Variants in REPS2 observed in about 807,000 individuals in gnomAD.
REPS2 encodes RALBP1 associated Eps domain containing 2.
REPS2 carries 23 observed loss-of-function variants against 53.6 expected under a neutral mutation model. That is an observed-to-expected ratio of 0.43 (90% CI 0.31 to 0.61). The LOEUF is 0.61. Among genes scored for constraint, REPS2 ranks in the 20% least tolerant of loss-of-function variants. REPS2 has a pLI of 0.11. For missense variants in REPS2, 446 were observed against 534.9 expected (o/e 0.83, Z 1.64); for synonymous variants, 238 against 218.6 (o/e 1.09, Z -0.78).
Position 17,113,685 on chromosome X carries a change from A to G in REPS2, c.1578+9906A>G, listed in dbSNP as rs1603053848. Among the ~76,000 whole-genome samples, 3 of 111,421 alleles carry G rather than the reference A, an allele frequency of 2.7e-5. No homozygotes were observed. The South Asian group carries it at 1.1e-3, about 42-fold the overall frequency. On this transcript the variant is annotated intron_variant, in intron 14 of 17. Transcript: ENST00000357277. ...GCACTGAATGACAAATTCAAAAGGCAAAGGAAATGGCCATAGTGATAAGTG... is the reference window on the plus strand; with the variant it reads ...GCACTGAATGACAAATTCAAAAGGCGAAGGAAATGGCCATAGTGATAAGTG...
chrX:17,077,147 C>A, intron 12 of REPS2, 124 bp from the exon 13 acceptor site: 1 of 713,243 alleles, frequency 1.4e-6, no homozygotes, highest in Non-Finnish European at 2.0e-6. Context: ...GAATTTATGG[C>A]TGCTTTGGTA....
At chrX:17,125,962 G>C (rs1291172366) in intron 14 of REPS2, among the ~76,000 whole-genome samples, 3 of 112,290 alleles carry the variant, frequency 2.7e-5, no homozygotes, top group Non-Finnish European at 3.8e-5. Context: ...AGTGTGACGA[G>C]TACCTGGACT....
At chrX:17,144,742 A>G (rs1211936349) in intron 17 of REPS2, among the ~76,000 whole-genome samples, 1 of 112,045 alleles carries the variant, frequency 8.9e-6, no homozygotes, top group Non-Finnish European at 1.9e-5. Flanking sequence ...TCTTTCTCCT[A>G]GCCTTTCCTA....
chrX:17,127,543 G>A (rs1287657989), intron 14 of REPS2, among the ~76,000 whole-genome samples: 1 of 111,810 alleles, frequency 8.9e-6, no homozygotes, highest in African/African-American at 3.3e-5. Flanking sequence ...GCATAGAGAA[G>A]GGCATGGAAA....
At chrX:17,041,068 C>T (rs999206378) in intron 5 of REPS2, among the ~76,000 whole-genome samples, 2 of 111,632 alleles carry the variant, frequency 1.8e-5, no homozygotes, top group East Asian at 5.6e-4. Flanking sequence ...TTTGGCAGGC[C>T]GCTGTCCTCA....
chrX:17,144,423 T>C (rs1393916260), intron 17 of REPS2, among the ~76,000 whole-genome samples: 1 of 112,817 alleles, frequency 8.9e-6, no homozygotes, highest in East Asian at 2.8e-4. Flanking sequence ...TACTCCCACT[T>C]TAATAGGTAT....
chrX:17,043,509 C>G (rs758432229), intron 5 of REPS2, among the ~76,000 whole-genome samples: 1 of 108,775 alleles, frequency 9.2e-6, no homozygotes, highest in South Asian at 4.3e-4. Flanking sequence ...TTCTTGCCCC[C>G]CCCCCCGGCT....
At chrX:17,137,107 C>T (rs1194473520) in intron 16 of REPS2, 2 of 111,959 alleles carry the variant, frequency 1.8e-5, no homozygotes, top group Non-Finnish European at 3.8e-5. Context: ...TGTTTGTGTA[C>T]ATGTTTTTGT....
chrX:16,991,432 A>G (rs1026661393), intron 1 of REPS2, among the ~76,000 whole-genome samples: 1 of 111,978 alleles, frequency 8.9e-6, no homozygotes, highest in Non-Finnish European at 1.9e-5. Flanking sequence ...ATTAAGCCAC[A>G]AGATAAGTGG....
chrX:16,993,060 T>C (rs780352705), intron 1 of REPS2, among the ~76,000 whole-genome samples: 1 of 112,156 alleles, frequency 8.9e-6, no homozygotes, highest in African/African-American at 3.2e-5. Context: ...TCCTGCAGGA[T>C]AAGAGATCCA....
intron 1 of REPS2, among the ~76,000 whole-genome samples, chrX:16,953,208 T>C (rs2060544763): frequency 8.9e-6 from 1 of 111,847 alleles, no homozygotes. Flanking sequence ...ATTCTTTTTT[T>C]CTAAAAGAGA....
At chrX:16,964,341 T>C (rs1290323641) in intron 1 of REPS2, among the ~76,000 whole-genome samples, 4 of 109,490 alleles carry the variant, frequency 3.7e-5, no homozygotes, top group African/African-American at 1.3e-4. Flanking sequence ...AGCACCGGGT[T>C]GGGGGTAAGG....
intron 14 of REPS2, among the ~76,000 whole-genome samples, chrX:17,109,201 G>T (rs377026298): frequency 9.0e-6 from 1 of 110,808 alleles, no homozygotes; most frequent in African/African-American, 3.3e-5. Context: ...AGAAACTGAC[G>T]GGAGGACAGG....
At chrX:17,034,939 T>C (rs191231806) in intron 5 of REPS2, among the ~76,000 whole-genome samples, 1 of 111,000 alleles carries the variant, frequency 9.0e-6, no homozygotes, top group Non-Finnish European at 1.9e-5. Flanking sequence ...AGTGCATAAC[T>C]TGAAAAATGT....
chrX:17,151,959 T>C lies in REPS2; in HGVS notation c.*4478T>C, dbSNP rs1312500894. On this transcript the variant is annotated 3_prime_UTR_variant, in exon 18 of 18. Coordinates refer to ENST00000357277, the MANE Select transcript of REPS2 (RefSeq NM_004726.3). The stretch of plus-strand genomic sequence containing the variant: ...GTGTTTTTGGAGTCCTCAGCTCACA[T>C]GTCTTGTTCCTCCTTCAGCACAAGC... 9.1e-6 allele frequency: 1 copy of C among 110,258 alleles called. No individual in the cohort carries two copies. The highest frequency in any genetic ancestry group is 1.9e-5 in the Non-Finnish European group (1 of 52,771). The allele number at this position is 110,258 out of a possible 1,213,427, so 9.1% of individuals were successfully genotyped here.
chrX:17,108,393 C>T (rs765408726), intron 14 of REPS2, among the ~76,000 whole-genome samples: 1 of 109,600 alleles, frequency 9.1e-6, no homozygotes, highest in South Asian at 4.0e-4. Flanking sequence ...AGGCTGGTCT[C>T]GAACTCCTGA....
intron 12 of REPS2, 81 bp from the exon 13 acceptor site, chrX:17,077,190 G>A (rs772807644): frequency 9.3e-5 from 94 of 1,014,043 alleles, no homozygotes; most frequent in Non-Finnish European, 1.2e-4. Context: ...CTTTGACTTC[G>A]TGGGTATTTT....
rs1383392133 is a variant in REPS2, at chrX:17,029,508, T to A, written c.674-18T>A. ...GAATCTTTGCATACCATACTGACTT[T>A]CCTTTCTGCTGTTTCAGCACCTTAT... On this transcript the variant is annotated intron_variant, in intron 4 of 17. Coordinates refer to ENST00000357277, the MANE Select transcript of REPS2 (RefSeq NM_004726.3). The A allele has an allele frequency of 8.8e-7, 1 of 1,134,652 alleles. No individual in the cohort carries two copies. The highest frequency in any genetic ancestry group is 1.2e-6 in the Non-Finnish European group (1 of 827,330). The allele number at this position is 1,134,652 out of a possible 1,213,427, so 93.5% of individuals were successfully genotyped here.
At chrX:17,093,261 C>T (rs1385717157) in intron 13 of REPS2, among the ~76,000 whole-genome samples, 1 of 94,724 alleles carries the variant, frequency 1.1e-5, no homozygotes, top group Non-Finnish European at 2.1e-5. Flanking sequence ...GCACTTCTGA[C>T]TCTGCCTGCT....
Sources: gnomAD v4.1 joint callset for allele counts (sites outside exome capture counted in the v4.1 genomes callset) on GRCh38, gnomAD v4.1.1 for gene constraint, MANE v1.5 for transcripts, NCBI Gene and HGNC (gene_info 2026-07-23, HGNC 2026-07-21) for gene names.